The following SERPINI2 variants were observed in gnomAD, a reference collection of about 807,000 sequenced individuals.
SERPINI2 encodes serpin I2.
A neutral mutation model predicts 47.3 loss-of-function variants in SERPINI2; 48 were observed. The observed-to-expected ratio is 1.02, with a 90% CI of 0.81 to 1.29. The LOEUF (loss-of-function observed/expected upper bound fraction) is 1.29. SERPINI2 is among the 50% of genes most tolerant of loss of function. The pLI, the probability that SERPINI2 is intolerant of heterozygous loss-of-function variation, is 0.00. For synonymous variants in SERPINI2, 135 were observed against 149.3 expected, an observed-to-expected ratio of 0.90 and a Z score of 0.70; for missense variants, 448 against 456.9, an observed-to-expected ratio of 0.98 and a Z score of 0.18.
chr3:167,444,002 C>T (rs1008926194), intron 8 of SERPINI2, among the ~76,000 whole-genome samples: 11 of 152,114 alleles, frequency 7.2e-5, no homozygotes, highest in African/African-American at 2.4e-4. Flanking sequence ...ATGGAAGCAA[C>T]TTTTACCTCC....
exon 5 of SERPINI2, chr3:167,465,298 A>T: frequency 6.2e-7 from 1 of 1,613,230 alleles, no homozygotes; most frequent in East Asian, 2.2e-5. Context: ...CTTCTTCTAT[A>T]TCCATACCTT....
intron 1 of SERPINI2, 178 bp downstream of exon 1, chr3:167,473,825 C>T: frequency 7.2e-7 from 1 of 1,392,756 alleles, no homozygotes; most frequent in Non-Finnish European, 9.3e-7. Flanking sequence ...AGAACTGGAT[C>T]TTCTGATTTG....
intron 7 of SERPINI2, among the ~76,000 whole-genome samples, chr3:167,447,634 C>A (rs1017237985): frequency 6.6e-6 from 1 of 152,144 alleles, no homozygotes; most frequent in Admixed American, 6.5e-5. Context: ...TGCTGTCAAT[C>A]AATAATATGG....
intron 2 of SERPINI2, among the ~76,000 whole-genome samples, chr3:167,470,303 T>C (rs187396667): frequency 2.0e-5 from 3 of 152,176 alleles, no homozygotes; most frequent in Non-Finnish European, 4.4e-5. Flanking sequence ...ACGTCTTTTC[T>C]GTATAAAATT....
exon 2 of SERPINI2, chr3:167,471,711 T>C (rs1233670494): frequency 6.2e-7 from 1 of 1,613,612 alleles, no homozygotes; most frequent in Non-Finnish European, 8.5e-7. Flanking sequence ...ATGTTGTCCT[T>C]ATGAGATAAG....
At chr3:167,460,035 G>C (rs1016752688) in intron 5 of SERPINI2, among the ~76,000 whole-genome samples, 1 of 152,146 alleles carries the variant, frequency 6.6e-6, no homozygotes, top group African/African-American at 2.4e-5. Flanking sequence ...TTCTCCTAAC[G>C]GTCTCAGTGA....
exon 3 of SERPINI2, chr3:167,467,123 A>G (rs1222415393): frequency 6.2e-7 from 1 of 1,613,538 alleles, no homozygotes; most frequent in Admixed American, 1.7e-5. Context: ...AAAATCCACC[A>G]GTTTTATAGC....
intron 5 of SERPINI2, among the ~76,000 whole-genome samples, chr3:167,463,947 A>G (rs1750057081): frequency 6.7e-6 from 1 of 150,258 alleles, no homozygotes; most frequent in Non-Finnish European, 1.5e-5. Context: ...ACTCCTTTCC[A>G]GGTTTTTGCT....
intron 8 of SERPINI2, among the ~76,000 whole-genome samples, chr3:167,442,901 C>T (rs770737884): frequency 3.3e-5 from 5 of 152,124 alleles, no homozygotes; most frequent in Non-Finnish European, 7.4e-5. Context: ...GTTCCTTATG[C>T]TCGGATGTCA....
At chr3:167,444,449 C>A (rs1749414044) in intron 8 of SERPINI2, among the ~76,000 whole-genome samples, 1 of 152,104 alleles carries the variant, frequency 6.6e-6, no homozygotes, top group Admixed American at 6.5e-5. Context: ...AATCATTCAT[C>A]CTCATACTTC....
At chr3:167,474,287 C>T (rs1750429574), upstream of SERPINI2, among the ~76,000 whole-genome samples, 1 of 151,574 alleles carries the variant, frequency 6.6e-6, no homozygotes, top group African/African-American at 2.4e-5. Flanking sequence ...CATTATTTTG[C>T]TTCTTTTAAA....
At chr3:167,448,145 T>A (rs1490697616) in intron 7 of SERPINI2, among the ~76,000 whole-genome samples, 2 of 152,248 alleles carry the variant, frequency 1.3e-5, no homozygotes, top group Admixed American at 1.3e-4. Flanking sequence ...TTTCAAGCAT[T>A]ATTTATATGC....
chr3:167,462,814 G>A (rs1263407104), intron 5 of SERPINI2, among the ~76,000 whole-genome samples: 6 of 152,180 alleles, frequency 3.9e-5, no homozygotes, highest in Non-Finnish European at 1.5e-5. Context: ...TATGGGAAGT[G>A]TGGCCCTAGA....
At chr3:167,471,994 T>C (rs915623413) in intron 1 of SERPINI2, 150 bp from the exon 2 acceptor site, 1 of 579,746 alleles carries the variant, frequency 1.7e-6, no homozygotes, top group African/African-American at 1.9e-5. Flanking sequence ...CTAAGTATCA[T>C]CTATTCAGAA....
chr3:167,455,603 AAAAGAAAAG>A (rs1451762950), intron 5 of SERPINI2, among the ~76,000 whole-genome samples: 117 of 148,374 alleles, frequency 7.9e-4, no homozygotes, highest in Non-Finnish European at 1.3e-3. Context: ...CAAAAAAAAA[AAAAGAAAAG>A]AAAAGAAAAG....
At chr3:167,446,599 G>T in intron 7 of SERPINI2, 118 bp from the exon 8 acceptor site, 1 of 577,412 alleles carries the variant, frequency 1.7e-6, no homozygotes, top group Non-Finnish European at 2.9e-6. Context: ...GTTAACATGT[G>T]GAAAAATAAC....
chr3:167,454,925 G>A (rs375834790), intron 5 of SERPINI2, among the ~76,000 whole-genome samples: 6 of 152,184 alleles, frequency 3.9e-5, no homozygotes, highest in African/African-American at 1.2e-4. Flanking sequence ...ATAGAAGCCT[G>A]AGGAGGTTAA....
chr3:167,449,328 C>T (rs1252921405), exon 7 of SERPINI2: 3 of 1,611,778 alleles, frequency 1.9e-6, no homozygotes, highest in Admixed American at 1.7e-5. Context: ...GTTGATGTTG[C>T]AGCTTCACTA....
intron 8 of SERPINI2, among the ~76,000 whole-genome samples, chr3:167,442,967 A>G (rs1749368976): frequency 6.6e-6 from 1 of 152,260 alleles, no homozygotes; most frequent in Non-Finnish European, 1.5e-5. Context: ...TAATAAAATG[A>G]TATTTAAATG....
Sources: gnomAD v4.1 joint callset for allele counts (sites outside exome capture counted in the v4.1 genomes callset) on GRCh38, gnomAD v4.1.1 for gene constraint, MANE v1.5 for transcripts, NCBI Gene and HGNC (gene_info 2026-07-23, HGNC 2026-07-21) for gene names.